Variants in PLXND1 observed in about 807,000 individuals in gnomAD.
PLXND1 encodes plexin D1.
Under a neutral mutation model 197.7 loss-of-function variants are expected in PLXND1, and 54 were observed. The observed-to-expected ratio is 0.27, with a 90% CI of 0.22 to 0.34. PLXND1 has a LOEUF of 0.34. Among genes scored for constraint, PLXND1 ranks in the 10% least tolerant of loss-of-function variants. The probability of loss-of-function intolerance (pLI) is 1.00; values close to 1 mark genes in which losing one functional copy is unlikely to be tolerated. For synonymous variants in PLXND1, 1,180 were observed against 1,161.2 expected, an observed-to-expected ratio of 1.02 and a Z score of -0.33; for missense variants, 2,127 against 2,699.2, an observed-to-expected ratio of 0.79 and a Z score of 4.70.
At chr3:129,563,043 C>T (rs1370272983) in intron 26 of PLXND1, 51 bp downstream of exon 26, 42 of 1,611,710 alleles carry the variant, frequency 2.6e-5, no homozygotes, top group East Asian at 2.2e-4. Flanking sequence ...GGGTCAATGC[C>T]GTTGGCGGCG....
intron 24 of PLXND1, 93 bp from the exon 25 acceptor site, chr3:129,565,631 A>T: frequency 8.6e-7 from 1 of 1,162,246 alleles, no homozygotes; most frequent in East Asian, 2.5e-5. Context: ...GGGCCCATCG[A>T]TCCCAGGAGT....
At chr3:129,596,573 C>T (rs772959631) in intron 1 of PLXND1, among the ~76,000 whole-genome samples, 2 of 152,162 alleles carry the variant, frequency 1.3e-5, no homozygotes, top group Non-Finnish European at 2.9e-5. Context: ...GGGCAGAGCA[C>T]GAAGCCAGTC....
At chr3:129,566,053 G>A in intron 23 of PLXND1, 36 bp from the exon 24 acceptor site, 2 of 1,611,012 alleles carry the variant, frequency 1.2e-6, no homozygotes, top group Non-Finnish European at 1.7e-6. Flanking sequence ...GTCCAGAGGG[G>A]CCCAGTGTCC....
At chr3:129,573,400 T>A (rs757057341) in intron 13 of PLXND1, among the ~76,000 whole-genome samples, 194 bp downstream of exon 13, 27 of 151,364 alleles carry the variant, frequency 1.8e-4, no homozygotes, top group Admixed American at 3.3e-4. Flanking sequence ...GCTGGAGGGA[T>A]AAAGCAGATG....
intron 2 of PLXND1, 41 bp downstream of exon 2, chr3:129,589,310 T>TGGGCC: frequency 2.0e-6 from 1 of 501,294 alleles, no homozygotes. Context: ...CAGGGGAGCC[T>TGGGCC]CCCACCCCCA....
At chr3:129,597,655 G>A (rs1054866463) in intron 1 of PLXND1, among the ~76,000 whole-genome samples, 4 of 152,378 alleles carry the variant, frequency 2.6e-5, no homozygotes, top group Admixed American at 1.3e-4. Flanking sequence ...CCCCGCTGGC[G>A]CTGGCCCCCA....
At chr3:129,575,909 A>G in intron 9 of PLXND1, 54 bp from the exon 10 acceptor site, 1 of 1,030,776 alleles carries the variant, frequency 9.7e-7, no homozygotes, top group East Asian at 2.5e-5. Flanking sequence ...GCCAGCATGC[A>G]TTGCCCTCTA....
chr3:129,589,496 G>A lies in PLXND1; in HGVS notation c.1343C>T (p.Ala448Val). 6.2e-7 allele frequency: 1 copy of A among 1,601,778 alleles called. No individual in the cohort carries two copies. The highest frequency in any genetic ancestry group is 8.5e-7 in the Non-Finnish European group (1 of 1,174,862). ...LQPEQLDCGAAHLQHPLSILQ... is the reference protein window; with the variant it reads ...LQPEQLDCGAVHLQHPLSILQ... ...GATGGACAGCGGGTGCTGCAGGTGA[G>A]CAGCTCCACAGTCCAGCTGCTCTGG... The change falls in exon 2 of 36, where the codon GCT (alanine) becomes GTT (valine). Residue 448 changes from alanine to valine, a missense_variant. By Grantham distance (64) the Ala-to-Val change is moderately conservative. This residue lies in a region of PLXND1 where 1,095 missense variants were observed against 1,259.8 expected (regional missense o/e 0.87). Transcript: ENST00000324093.
At position 129,561,752 on chromosome 3, in the gene PLXND1, G is replaced by T. The variant is rs764896570; in HGVS notation, c.4930-43C>A. ...GCCGAGGTCAGAGGCCGGAGGTTGG[G>T]GTGGGGGCATGAGGGTGGGGAAATG... On this transcript the variant is annotated intron_variant, in intron 28 of 35. Transcript: ENST00000324093. 4.5e-6 allele frequency: 7 copies of T among 1,547,440 alleles called. No individual in the cohort carries two copies. The African/African-American group carries it at 8.1e-5, about 18-fold the overall frequency.
chr3:129,571,358 T>C (rs1012659734), intron 17 of PLXND1, 55 bp from the exon 18 acceptor site: 4 of 1,583,392 alleles, frequency 2.5e-6, no homozygotes, highest in Non-Finnish European at 8.6e-7. Flanking sequence ...CAGATGGGCA[T>C]GGAGAAACGG....
rs749316408 is a variant in PLXND1, at chr3:129,567,778, C to T, written c.3893G>A (p.Arg1298Gln). 18 of 1,612,934 alleles carry T rather than the reference C, an allele frequency of 1.1e-5. No individual in the cohort carries two copies. Among genetic ancestry groups the T allele is most frequent in the South Asian group, 5.5e-5 (5 of 91,052 alleles). Residue 1298 changes from arginine (R) to glutamine (Q), a missense_variant, in exon 21 of 36, where the codon CGA (arginine) becomes CAA (glutamine). This residue lies in a region of PLXND1 where 532 missense variants were observed against 811.0 expected (regional missense o/e 0.66). Transcript: ENST00000324093. ...CTTCTGCCAGTAACGCTCAGCACGT[C>T]GGCTCTTGGTACAGAAGACGAACAG... The part of the protein sequence containing the change: ...VALFVFCTKS[R>Q]RAERYWQKTL...
At chr3:129,575,713 T>C (rs2085303753) in intron 10 of PLXND1, 53 bp downstream of exon 10, 1 of 1,366,642 alleles carries the variant, frequency 7.3e-7, no homozygotes. Context: ...GGGTACAGCA[T>C]CTGGACTTAA....
chr3:129,605,371 C>T lies in PLXND1; in HGVS notation c.1269G>A (p.Val423=), dbSNP rs1156424870. The change falls in exon 1 of 36, where the codon GTG becomes GTA. Residue 423 remains valine (V), a synonymous_variant. Transcript: ENST00000324093. ...PDVVAVLDSV[V]QGTGPACERK... The stretch of plus-strand genomic sequence containing the variant: ...GCTCACAGGCCGGTCCCGTGCCCTG[C>T]ACCACGCTGTCGAGCACCGCCACCA... 3.3e-6 allele frequency: 5 copies of T among 1,498,614 alleles called. No homozygotes were observed. The highest frequency in any genetic ancestry group is 2.2e-5 in the Admixed American group (1 of 45,758). The allele number at this position is 1,498,614 out of a possible 1,614,324, so 92.8% of individuals were successfully genotyped here. A position where few individuals can be genotyped will look rare whatever the true frequency, so the allele number is the denominator to read the frequency against.
chr3:129,591,203 A>G (rs1031972007), intron 1 of PLXND1: 13 of 152,244 alleles, frequency 8.5e-5, no homozygotes, highest in Non-Finnish European at 1.3e-4. Flanking sequence ...ACAGGAGGGA[A>G]TGGTCTTCCG....
At position 129,558,764 on chromosome 3, in the gene PLXND1, C is replaced by A; in HGVS notation, c.5298-189G>T. The A allele has an allele frequency of 1.7e-6, 1 of 583,218 alleles. No individual in the cohort carries two copies. 36.1% of individuals were successfully genotyped at this position (583,218 alleles called of 1,614,324 possible). Reference sequence around the variant, plus strand: ...CTGGGGTGCAGTGGGGCTGAGAGCCCGGTTTCCTGCTGGAGCAAGGCAGGA... The same window carrying A: ...CTGGGGTGCAGTGGGGCTGAGAGCCAGGTTTCCTGCTGGAGCAAGGCAGGA... On this transcript the variant is annotated intron_variant, in intron 32 of 35. Transcript: ENST00000324093. The surrounding 1 kb of genome is among the most constrained non-coding windows in gnomAD (Gnocchi z 4.1).
At position 129,606,447 on chromosome 3, in the gene PLXND1, C is replaced by T; in HGVS notation, c.193G>A (p.Asp65Asn). The T allele has an allele frequency of 1.4e-6, 2 of 1,463,822 alleles. No individual in the cohort carries two copies. The highest frequency in any genetic ancestry group is 1.8e-6 in the Non-Finnish European group (2 of 1,115,020). The allele number at this position is 1,463,822 out of a possible 1,614,324, so 90.7% of individuals were successfully genotyped here. Reference sequence around the variant, plus strand: ...AGGTACACGGTCCCCGCCGCGCCGTCCAGGGCGAAGTTGTTGGTGGGCGTG... The same window carrying T: ...AGGTACACGGTCCCCGCCGCGCCGTTCAGGGCGAAGTTGTTGGTGGGCGTG... ...SPTPTNNFAL[D>N]GAAGTVYLAA... Residue 65 changes from aspartate to asparagine, a missense_variant, in exon 1 of 36, where the codon GAC becomes AAC. Coordinates refer to ENST00000324093, the MANE Select transcript of PLXND1 (RefSeq NM_015103.3).
chr3:129,556,772 A>T, intron 34 of PLXND1, 81 bp from the exon 35 acceptor site: 3 of 979,508 alleles, frequency 3.1e-6, no homozygotes, highest in Non-Finnish European at 4.8e-6. Context: ...CTGCTTGCAC[A>T]CAATCCCCAA....
rs749371540 is a variant in PLXND1 at position 129,586,218 on chromosome 3, C to T, written c.1675G>A (p.Val559Met). 5.0e-6 allele frequency: 8 copies of T among 1,602,570 alleles called. No individual in the cohort carries two copies. Among genetic ancestry groups the T allele is most frequent in the Admixed American group, 3.4e-5 (2 of 59,638 alleles). The change falls in exon 4 of 36, where the codon GTG becomes ATG. Residue 559 changes from valine (V) to methionine (M), a missense_variant. Around this residue, in one of 6 missense-constraint regions of PLXND1, gnomAD observed 1,095 missense variants for 1,259.8 expected, o/e 0.87. Coordinates refer to ENST00000324093, the MANE Select transcript of PLXND1 (RefSeq NM_015103.3). Reference protein sequence around the residue: ...CNVHSTCGDCVGAADAYCGWC... With the variant: ...CNVHSTCGDCMGAADAYCGWC... Reference sequence around the variant, plus strand: ...CCGCAGTAGGCGTCCGCCGCACCCACGCAGTCCCCACAGGTGGAGTGCACG... The same window carrying T: ...CCGCAGTAGGCGTCCGCCGCACCCATGCAGTCCCCACAGGTGGAGTGCACG...
intron 32 of PLXND1, chr3:129,559,371 G>T: frequency 2.4e-6 from 1 of 423,190 alleles, no homozygotes; most frequent in South Asian, 5.4e-5. Flanking sequence ...TGATAGTAAG[G>T]GCAACACCTA....
Sources: gnomAD v4.1 joint callset for allele counts (sites outside exome capture counted in the v4.1 genomes callset) on GRCh38, gnomAD v4.1.1 for gene constraint, gnomAD v4.1.1 regional missense constraint, Gnocchi (gnomAD v3.1) non-coding constraint, MANE v1.5 for transcripts, NCBI Gene and HGNC (gene_info 2026-07-23, HGNC 2026-07-21) for gene names.